The following FSIP1 variants were observed in gnomAD, a reference collection of about 807,000 sequenced individuals.
FSIP1 encodes the protein fibrous sheath-interacting protein 1.
In FSIP1, 65 loss-of-function variants were observed where a neutral mutation model predicts 60.9. The ratio of observed to expected loss-of-function variants is 1.07; its 90% CI spans 0.87 to 1.31. The LOEUF is 1.31. Among genes scored for constraint, FSIP1 ranks in the 40% most tolerant of loss-of-function variants. FSIP1 has a pLI of 0.00. For missense variants in FSIP1, 675 were observed against 665.5 expected (o/e 1.01, Z -0.16); for synonymous variants, 209 against 221.2 (o/e 0.94, Z 0.49).
chr15:39,646,258 G>A (rs2140427805), intron 10 of FSIP1, among the ~76,000 whole-genome samples: 1 of 152,180 alleles, frequency 6.6e-6, no homozygotes. Flanking sequence ...ACTCCTTTGA[G>A]CTGTTCTAAC....
intron 10 of FSIP1, among the ~76,000 whole-genome samples, chr15:39,694,210 G>T (rs1894721806): frequency 6.6e-6 from 1 of 151,056 alleles, no homozygotes; most frequent in African/African-American, 2.4e-5. Flanking sequence ...ATTTTAGTAT[G>T]TAACCATCAT....
intron 10 of FSIP1, among the ~76,000 whole-genome samples, chr15:39,652,911 C>A (rs771327900): frequency 6.6e-6 from 1 of 152,114 alleles, no homozygotes; most frequent in Non-Finnish European, 1.5e-5. Context: ...TACAGTGGCT[C>A]ATGCCTGTAA....
intron 1 of FSIP1, among the ~76,000 whole-genome samples, chr15:39,779,318 G>T (rs1898169074): frequency 6.6e-6 from 1 of 150,766 alleles, no homozygotes; most frequent in African/African-American, 2.5e-5. Context: ...GAAAGATGAT[G>T]ACACATCAAG....
At chr15:39,781,325 G>A (rs1458609498) in intron 1 of FSIP1, among the ~76,000 whole-genome samples, 1 of 152,182 alleles carries the variant, frequency 6.6e-6, no homozygotes, top group African/African-American at 2.4e-5. Flanking sequence ...ACAATACCAA[G>A]TGCTGACAAA....
intron 10 of FSIP1, among the ~76,000 whole-genome samples, chr15:39,634,035 A>G (rs1892022073): frequency 6.6e-6 from 1 of 152,080 alleles, no homozygotes; most frequent in African/African-American, 2.4e-5. Context: ...CCCTCATGTC[A>G]CTAAACGGAC....
rs894796685 is a variant in FSIP1 at position 39,600,406 on chromosome 15, C to T, written c.*474G>A. The stretch of plus-strand genomic sequence containing the variant: ...CTCTTCTAATATTGCTTTGTTGAGA[C>T]AATTCATTTCATCTTATGGCAGGTT... On this transcript the variant is annotated 3_prime_UTR_variant, in exon 12 of 12. Transcript: ENST00000350221. 6.6e-6 allele frequency: 1 copy of T among 152,596 alleles called. No homozygotes were observed. The highest frequency in any genetic ancestry group is 1.9e-4 in the East Asian group (1 of 5,198). The allele number at this position is 152,596 out of a possible 1,614,324, so 9.5% of individuals were successfully genotyped here. A position where few individuals can be genotyped will look rare whatever the true frequency, so the allele number is the denominator to read the frequency against.
At chr15:39,780,537 T>C (rs1057014279) in intron 1 of FSIP1, among the ~76,000 whole-genome samples, 1 of 152,044 alleles carries the variant, frequency 6.6e-6, no homozygotes, top group Non-Finnish European at 1.5e-5. Flanking sequence ...GAAAAAAAAA[T>C]TTATTTTATC....
intron 7 of FSIP1, among the ~76,000 whole-genome samples, chr15:39,738,545 CA>C (rs1280981932): frequency 6.6e-6 from 1 of 152,170 alleles, no homozygotes; most frequent in Non-Finnish European, 1.5e-5. Flanking sequence ...ATCTTCTTGC[CA>C]CTTTCTTTGG....
chr15:39,748,689 A>G (rs1897072866), intron 5 of FSIP1, among the ~76,000 whole-genome samples: 1 of 152,212 alleles, frequency 6.6e-6, no homozygotes. Flanking sequence ...GGAAGTTTAC[A>G]GCAATAAATG....
chr15:39,704,404 T>C (rs1250319298), intron 10 of FSIP1, among the ~76,000 whole-genome samples: 1 of 152,208 alleles, frequency 6.6e-6, no homozygotes, highest in African/African-American at 2.4e-5. Flanking sequence ...TTTGGAGTAG[T>C]GTTGAATGTG....
intron 11 of FSIP1, among the ~76,000 whole-genome samples, chr15:39,617,052 T>C (rs1318133346): frequency 6.6e-6 from 1 of 152,164 alleles, no homozygotes; most frequent in African/African-American, 2.4e-5. Context: ...AGTTAATGGA[T>C]TATAGATTTA....
chr15:39,747,039 C>T (rs28451922), intron 5 of FSIP1, among the ~76,000 whole-genome samples: 1 of 134,902 alleles, frequency 7.4e-6, no homozygotes, highest in Non-Finnish European at 1.5e-5. Context: ...CTCCTTCCCT[C>T]CTTCCATTCT....
At chr15:39,714,208 C>T (rs1895646723) in intron 9 of FSIP1, among the ~76,000 whole-genome samples, 1 of 152,050 alleles carries the variant, frequency 6.6e-6, no homozygotes, top group South Asian at 2.1e-4. Context: ...CTGAATATGT[C>T]CTTTGAAAAG....
intron 10 of FSIP1, among the ~76,000 whole-genome samples, chr15:39,636,373 T>G (rs1892138483): frequency 6.6e-6 from 1 of 152,232 alleles, no homozygotes; most frequent in Non-Finnish European, 1.5e-5. Context: ...TTGCAACTTT[T>G]TAGCACCATA....
intron 8 of FSIP1, among the ~76,000 whole-genome samples, chr15:39,734,460 G>A: frequency 6.6e-6 from 1 of 152,094 alleles, no homozygotes. Context: ...ACTAAAATGT[G>A]TAGTATTCTA....
intron 11 of FSIP1, among the ~76,000 whole-genome samples, chr15:39,609,673 T>G (rs1364644567): frequency 6.6e-6 from 1 of 152,154 alleles, no homozygotes; most frequent in Non-Finnish European, 1.5e-5. Flanking sequence ...CCTCACCCAG[T>G]CGCTGAGCCC....
chr15:39,703,353 C>A (rs1205369363), intron 10 of FSIP1, among the ~76,000 whole-genome samples: 1 of 151,962 alleles, frequency 6.6e-6, no homozygotes, highest in East Asian at 1.9e-4. Flanking sequence ...AATGCCTACA[C>A]CTTCTATAAC....
At chr15:39,719,831 G>T (rs1895886226) in intron 9 of FSIP1, among the ~76,000 whole-genome samples, 1 of 152,204 alleles carries the variant, frequency 6.6e-6, no homozygotes, top group African/African-American at 2.4e-5. Flanking sequence ...GGAAAGCAAA[G>T]AAATATAAAC....
intron 3 of FSIP1, among the ~76,000 whole-genome samples, chr15:39,767,484 C>T (rs578165986): frequency 4.5e-4 from 69 of 152,340 alleles, no homozygotes; most frequent in Non-Finnish European, 8.1e-4. Context: ...CTGGCGAGGG[C>T]TCCACCCTTG....
Sources: allele counts gnomAD v4.1 joint callset (sites outside exome capture counted in the v4.1 genomes callset), GRCh38; gene constraint gnomAD v4.1.1; transcripts MANE v1.5; gene names NCBI Gene and HGNC (gene_info 2026-07-23, HGNC 2026-07-21).